Variants in MICAL3 observed in about 807,000 individuals in gnomAD.
MICAL3 encodes the protein [F-actin]-monooxygenase MICAL3.
MICAL3 carries 62 observed loss-of-function variants against 207.4 expected under a neutral mutation model. That is an observed-to-expected ratio of 0.30 (90% confidence interval 0.24 to 0.37). The LOEUF (loss-of-function observed/expected upper bound fraction) is 0.37. Among genes scored for constraint, MICAL3 ranks in the 10% least tolerant of loss-of-function variants. MICAL3 has a pLI of 1.00. For synonymous variants in MICAL3, 1,077 were observed against 1,069.3 expected, an observed-to-expected ratio of 1.01 and a Z score of -0.14; for missense variants, 2,368 against 2,635.6, an observed-to-expected ratio of 0.90 and a Z score of 2.22.
At chr22:17,809,388 C>T (rs2062019968) in intron 28 of MICAL3, among the ~76,000 whole-genome samples, 1 of 152,238 alleles carries the variant, frequency 6.6e-6, no homozygotes, top group Non-Finnish European at 1.5e-5. Flanking sequence ...GTAATCCCAA[C>T]ACTTTGGGAG....
At chr22:17,872,524 T>C (rs973718320) in intron 16 of MICAL3, among the ~76,000 whole-genome samples, 1 of 152,202 alleles carries the variant, frequency 6.6e-6, no homozygotes, top group Non-Finnish European at 1.5e-5. Context: ...TGTATCTGTA[T>C]CTATTCCGTG....
At chr22:17,960,446 C>T (rs1934852653) in intron 1 of MICAL3, among the ~76,000 whole-genome samples, 1 of 152,192 alleles carries the variant, frequency 6.6e-6, no homozygotes, top group Admixed American at 6.5e-5. Flanking sequence ...AACAAAAATT[C>T]CTGTCCTCAT....
intron 1 of MICAL3, among the ~76,000 whole-genome samples, chr22:17,968,923 A>G (rs769876152): frequency 3.9e-5 from 6 of 152,254 alleles, no homozygotes; most frequent in Non-Finnish European, 7.3e-5. Context: ...TAAATTAACC[A>G]ATGCAAAAAA....
rs374124412 is a variant in MICAL3, at chr22:17,822,991, G to A, written c.3263C>T (p.Ala1088Val). 2.3e-5 allele frequency: 37 copies of A among 1,613,596 alleles called. No individual in the cohort carries two copies. The highest frequency in any genetic ancestry group is 3.1e-5 in the Non-Finnish European group (37 of 1,179,744). Reference sequence around the variant, plus strand: ...AGTGTCCCCTGGGTCCCCATCCTCTGCTGCCTCCCCTTCTATCTCGGCTGG... The same window carrying A: ...AGTGTCCCCTGGGTCCCCATCCTCTACTGCCTCCCCTTCTATCTCGGCTGG... The part of the protein sequence containing the change: ...SEPAEIEGEA[A>V]EDGDPGDTGA... Residue 1088 changes from alanine (A) to valine (V), a missense_variant, in exon 23 of 32, where the codon GCA (alanine) becomes GTA (valine). By Grantham distance (64) the Ala-to-Val change is moderately conservative. Around this residue, in one of 4 missense-constraint regions of MICAL3, gnomAD observed 1,770 missense variants for 1,863.2 expected, o/e 0.95. Transcript: ENST00000441493.
intron 1 of MICAL3, among the ~76,000 whole-genome samples, chr22:17,920,006 C>T (rs562164016): frequency 3.1e-4 from 47 of 152,370 alleles, no homozygotes; most frequent in Admixed American, 1.2e-3. Flanking sequence ...GTATGGCTAA[C>T]ATCTGCATGA....
At chr22:18,015,305 T>C (rs192931501) in intron 1 of MICAL3, among the ~76,000 whole-genome samples, 1 of 152,322 alleles carries the variant, frequency 6.6e-6, no homozygotes, top group Non-Finnish European at 1.5e-5. Flanking sequence ...GAGATTTCTC[T>C]TTTCTTCTAC....
chr22:17,945,341 G>A (rs1391221814), intron 1 of MICAL3, among the ~76,000 whole-genome samples: 2 of 152,154 alleles, frequency 1.3e-5, no homozygotes, highest in Non-Finnish European at 2.9e-5. Flanking sequence ...AATTAATAGG[G>A]CACCTTGGGC....
chr22:17,882,740 G>A (rs1320029693), intron 16 of MICAL3, among the ~76,000 whole-genome samples: 1 of 152,140 alleles, frequency 6.6e-6, no homozygotes, highest in African/African-American at 2.4e-5. Context: ...CACCGCTAAC[G>A]ATTTCTCACC....
intron 1 of MICAL3, among the ~76,000 whole-genome samples, chr22:17,938,301 GAAATAC>G (rs1457315002): frequency 6.6e-6 from 1 of 152,202 alleles, no homozygotes; most frequent in African/African-American, 2.4e-5. Flanking sequence ...TGTCAAGAAT[GAAATAC>G]AAACTAATAC....
intron 1 of MICAL3, among the ~76,000 whole-genome samples, chr22:18,008,227 G>A (rs561350445): frequency 2.6e-5 from 4 of 152,028 alleles, no homozygotes; most frequent in Admixed American, 6.6e-5. Flanking sequence ...TAAAAAGAGC[G>A]AAACTCCACC....
At position 17,904,801 on chromosome 22, in the gene MICAL3, T is replaced by C. The variant is rs1372680108; in HGVS notation, c.303A>G (p.Thr101=). Residue 101 remains threonine, a synonymous_variant, in exon 3 of 32, where the codon ACA becomes ACG. Coordinates refer to ENST00000441493, the MANE Select transcript of MICAL3 (RefSeq NM_015241.3). The part of the protein sequence containing the change: ...IIGAGPCGLR[T]AIDLSLLGAK... The stretch of plus-strand genomic sequence containing the variant: ...CCCCCAGTAAGGATAAGTCGATGGC[T>C]GTACGGAGACCACAGGGGCCAGCCC... The C allele has an allele frequency of 6.2e-7, 1 of 1,614,006 alleles. No homozygotes were observed. The highest frequency in any genetic ancestry group is 8.5e-7 in the Non-Finnish European group (1 of 1,179,878).
intron 29 of MICAL3, chr22:17,803,571 A>G (rs1400498583): frequency 6.6e-6 from 1 of 152,002 alleles, no homozygotes; most frequent in East Asian, 1.9e-4. Flanking sequence ...GCAAAGTTTT[A>G]TTATAAAAAA....
Position 17,841,678 on chromosome 22 carries a change from C to A in MICAL3, c.2801+144G>T, listed in dbSNP as rs1924023537. On this transcript the variant is annotated intron_variant, in intron 20 of 31. Coordinates refer to ENST00000441493, the MANE Select transcript of MICAL3 (RefSeq NM_015241.3). This position sits in a 1 kb window ranked among gnomAD's most constrained non-coding sequence, Gnocchi z 4.2. ...CTGACTAGAAGATGAGGCTAAGAAC[C>A]TAAAAGGGACTGGGGAGAATGGACT... The A allele has an allele frequency of 1.3e-6, 1 of 763,998 alleles. No individual in the cohort carries two copies. Among genetic ancestry groups the A allele is most frequent in the Non-Finnish European group, 2.1e-6 (1 of 471,434 alleles). The allele number at this position is 763,998 out of a possible 1,614,324, so 47.3% of individuals were successfully genotyped here.
rs149239378 is a variant in MICAL3 at position 17,849,644 on chromosome 22, A to ATGTG, written c.2606-7631_2606-7628dup. 7.9e-3 allele frequency among the ~76,000 whole-genome samples: 630 copies of ATGTG among 79,394 alleles called. 1 individual carries two copies. Among genetic ancestry groups the ATGTG allele is most frequent in the African/African-American group, 0.019 (381 of 19,566 alleles). 52.1% of individuals were successfully genotyped at this position (79,394 alleles called of 152,430 possible). A position where few individuals can be genotyped will look rare whatever the true frequency, so the allele number is the denominator to read the frequency against. The stretch of plus-strand genomic sequence containing the variant: ...GCCACTGTGCCTGGCCCAGAATGGA[A>ATGTG]TGTGTGTGTGTGTGTGTGTGTGTGT... On this transcript the variant is annotated intron_variant, in intron 19 of 31. Coordinates refer to ENST00000441493, the MANE Select transcript of MICAL3 (RefSeq NM_015241.3).
rs181600861 is a variant in MICAL3 at position 17,817,066 on chromosome 22, T to A, written c.5350+245A>T. On this transcript the variant is annotated intron_variant, in intron 26 of 31. Coordinates refer to ENST00000441493, the MANE Select transcript of MICAL3 (RefSeq NM_015241.3). ...ACGAGTGGGCCCCTCTGGGGTCGTC[T>A]GACTTTAGGAAGGGCACAAACCTCC... 1.2e-4 allele frequency among the ~76,000 whole-genome samples: 19 copies of A among 152,304 alleles called. No individual in the cohort carries two copies. The East Asian group carries it at 3.1e-3, about 25-fold the overall frequency.
In MICAL3 at chr22:17,797,951, C is replaced by A. The variant is rs543062019; in HGVS notation, c.5651-6650G>T. Among the ~76,000 whole-genome samples, 13 of 152,310 alleles carry A rather than the reference C, an allele frequency of 8.5e-5. 1 individual carries two copies. Among genetic ancestry groups the A allele is most frequent in the Non-Finnish European group, 1.0e-4 (7 of 68,030 alleles). On this transcript the variant is annotated intron_variant, in intron 29 of 31. Coordinates refer to ENST00000441493, the MANE Select transcript of MICAL3 (RefSeq NM_015241.3). ...CTGCCCACTAGACAGGCTCCCAGCT[C>A]CCCCTGGTTGGACAAAGGCACCATC...
chr22:17,976,561 G>GTGTGTA (rs1392364468), intron 1 of MICAL3, among the ~76,000 whole-genome samples: 1 of 80,080 alleles, frequency 1.2e-5, no homozygotes, highest in African/African-American at 5.8e-5. Context: ...GTGTGTGTGT[G>GTGTGTA]TATATATATA....
At chr22:17,989,590 C>T (rs766597523) in intron 1 of MICAL3, among the ~76,000 whole-genome samples, 6 of 152,092 alleles carry the variant, frequency 3.9e-5, no homozygotes, top group Admixed American at 1.3e-4. Context: ...CACCCCAGCA[C>T]CCCCACATCT....
At chr22:17,917,874 A>G (rs967349659) in intron 1 of MICAL3, among the ~76,000 whole-genome samples, 21 of 152,348 alleles carry the variant, frequency 1.4e-4, no homozygotes, top group African/African-American at 4.6e-4. Context: ...CACTGTGTAC[A>G]AAGCATGTCC....
Sources: gnomAD v4.1 joint callset for allele counts (sites outside exome capture counted in the v4.1 genomes callset) on GRCh38, gnomAD v4.1.1 for gene constraint, gnomAD v4.1.1 regional missense constraint, Gnocchi (gnomAD v3.1) non-coding constraint, MANE v1.5 for transcripts, NCBI Gene and HGNC (gene_info 2026-07-23, HGNC 2026-07-21) for gene names.